Variants in PDE8B observed in about 807,000 individuals in gnomAD.
The protein encoded by PDE8B is phosphodiesterase 8B.
In PDE8B, 26 loss-of-function variants were observed where a neutral mutation model predicts 101.3. That is an observed-to-expected ratio of 0.26 (90% CI 0.19 to 0.36). PDE8B has a LOEUF of 0.36. PDE8B is among the 10% of genes least tolerant of loss of function. PDE8B has a pLI of 1.00. For missense variants in PDE8B, 810 were observed against 1,163.1 expected, an observed-to-expected ratio of 0.70 and a Z score of 4.42; for synonymous variants, 424 against 429.3, an observed-to-expected ratio of 0.99 and a Z score of 0.15.
At chr5:77,214,543 T>G (rs1037536780) in intron 1 of PDE8B, among the ~76,000 whole-genome samples, 1 of 152,228 alleles carries the variant, frequency 6.6e-6, no homozygotes, top group Admixed American at 6.5e-5. Flanking sequence ...AAGCCAGTTA[T>G]TAGTGACTGC....
In PDE8B at chr5:77,413,279, C is replaced by T. The variant is rs143919281; in HGVS notation, c.1881C>T (p.Thr627=). Residue 627 remains threonine (T), a synonymous_variant, in exon 17 of 22, where the codon ACC becomes ACT. Transcript: ENST00000264917. ...STHAADVLHA[T]AFFLGKERVK... ...ATGCTGCCGACGTCCTGCACGCCAC[C>T]GCTTTCTTTCTTGGAAAGGAAAGAG... The T allele has an allele frequency of 2.9e-5, 46 of 1,613,602 alleles. No homozygotes were observed. The highest frequency in any genetic ancestry group is 8.0e-5 in the African/African-American group (6 of 75,036).
At chr5:77,153,977 T>C in the PDE8B span, among the ~76,000 whole-genome samples, 1 of 152,362 alleles carries the variant, frequency 6.6e-6, no homozygotes, top group East Asian at 1.9e-4. Context: ...ACTTGATAAA[T>C]TTCCAACCCA....
At chr5:77,187,546 A>T in the PDE8B span, among the ~76,000 whole-genome samples, 1 of 152,138 alleles carries the variant, frequency 6.6e-6, no homozygotes, top group Non-Finnish European at 1.5e-5. Context: ...TCATTGTTTG[A>T]TGGGCAGCAT....
chr5:77,421,544 G>C (rs1796633465), intron 19 of PDE8B, among the ~76,000 whole-genome samples: 1 of 152,150 alleles, frequency 6.6e-6, no homozygotes, highest in African/African-American at 2.4e-5. Flanking sequence ...GAAGAAAATG[G>C]ATGTGAGGGG....
chr5:77,270,385 G>A (rs1475000546), intron 1 of PDE8B, among the ~76,000 whole-genome samples: 1 of 152,132 alleles, frequency 6.6e-6, no homozygotes, highest in Non-Finnish European at 1.5e-5. Context: ...CCAAGTATAA[G>A]ACCATATCAT....
At chr5:77,419,915 C>T (rs1339388148) in intron 19 of PDE8B, 28 bp downstream of exon 19, 3 of 1,612,756 alleles carry the variant, frequency 1.9e-6, no homozygotes, top group East Asian at 4.5e-5. Flanking sequence ...TGCCATAAGG[C>T]ACATCCAAGT....
At chr5:77,309,531 GT>G (rs1772062732) in intron 1 of PDE8B, among the ~76,000 whole-genome samples, 1 of 150,632 alleles carries the variant, frequency 6.6e-6, no homozygotes, top group Non-Finnish European at 1.5e-5. Context: ...GGGGGCTTTT[GT>G]GTGTGGTGGA....
chr5:77,338,700 A>G (rs1778624268), intron 6 of PDE8B, among the ~76,000 whole-genome samples: 1 of 152,136 alleles, frequency 6.6e-6, no homozygotes, highest in Admixed American at 6.6e-5. Context: ...ACTGTTTTTA[A>G]TTGAAGGTTA....
chr5:77,159,162 C>T, the PDE8B span, among the ~76,000 whole-genome samples: 1 of 152,204 alleles, frequency 6.6e-6, no homozygotes, highest in Non-Finnish European at 1.5e-5. Flanking sequence ...ACTCCATCCT[C>T]CTGGCCATAG....
chr5:77,149,972 C>T, the PDE8B span, among the ~76,000 whole-genome samples: 1 of 152,190 alleles, frequency 6.6e-6, no homozygotes, highest in South Asian at 2.1e-4. Context: ...TTACCATAAT[C>T]CCTACATTCG....
At chr5:77,385,730 C>T (rs1055485636) in intron 10 of PDE8B, among the ~76,000 whole-genome samples, 1 of 151,506 alleles carries the variant, frequency 6.6e-6, no homozygotes, top group South Asian at 2.1e-4. Context: ...TCATTATTTA[C>T]CCAGTAGTCA....
chr5:77,197,390 T>A, the PDE8B span, among the ~76,000 whole-genome samples: 1 of 152,032 alleles, frequency 6.6e-6, no homozygotes, highest in South Asian at 2.1e-4. Flanking sequence ...GTGCTGGGAG[T>A]ACAGGTGTGA....
intron 1 of PDE8B, among the ~76,000 whole-genome samples, chr5:77,217,974 A>T (rs1022407513): frequency 6.6e-6 from 1 of 152,038 alleles, no homozygotes; most frequent in African/African-American, 2.4e-5. Flanking sequence ...TTTACTCTTT[A>T]CCATTGATTT....
chr5:77,137,110 T>C, the PDE8B span, among the ~76,000 whole-genome samples: 2 of 152,226 alleles, frequency 1.3e-5, no homozygotes, highest in African/African-American at 2.4e-5. Context: ...TAGTTGCTTT[T>C]TGTCATCATG....
the PDE8B span, among the ~76,000 whole-genome samples, chr5:77,168,253 G>A: frequency 1.3e-5 from 2 of 152,240 alleles, no homozygotes; most frequent in South Asian, 4.1e-4. Context: ...ACAGGGCATG[G>A]CAGCCTGAGA....
intron 1 of PDE8B, among the ~76,000 whole-genome samples, chr5:77,233,090 C>T (rs765939047): frequency 8.6e-5 from 13 of 151,834 alleles, no homozygotes; most frequent in Non-Finnish European, 1.8e-4. Context: ...GTGCTGTGGG[C>T]TTTTATTACT....
At position 77,342,025 on chromosome 5, in the gene PDE8B, GGAATGGC is replaced by G; in HGVS notation, c.798-2826_798-2820del. 2.0e-5 allele frequency among the ~76,000 whole-genome samples: 3 copies of G among 152,218 alleles called. No individual in the cohort carries two copies. In the East Asian group the frequency reaches 5.8e-4, roughly 29 times the overall value. On this transcript the variant is annotated intron_variant, in intron 6 of 21. Coordinates refer to ENST00000264917, the MANE Select transcript of PDE8B (RefSeq NM_003719.5). The stretch of plus-strand genomic sequence containing the variant: ...TGATATCTTCATTTCTGCAACTATA[GGAATGGC>G]GTCTTGCAGTTGGCTAAAATATTGC...
the PDE8B span, among the ~76,000 whole-genome samples, chr5:77,102,391 A>G: frequency 6.6e-6 from 1 of 152,186 alleles, no homozygotes; most frequent in African/African-American, 2.4e-5. Flanking sequence ...AGATTTCTTG[A>G]CATCTCACAG....
chr5:77,337,382 G>C, intron 6 of PDE8B, 67 bp downstream of exon 6: 1 of 850,740 alleles, frequency 1.2e-6, no homozygotes, highest in South Asian at 1.4e-5. Context: ...CTGTCAACAG[G>C]CTGATGTTCA....
Sources: allele counts gnomAD v4.1 joint callset (sites outside exome capture counted in the v4.1 genomes callset), GRCh38; gene constraint gnomAD v4.1.1; transcripts MANE v1.5; gene names NCBI Gene and HGNC (gene_info 2026-07-23, HGNC 2026-07-21).